Variants in CACNA1C observed in about 807,000 individuals in gnomAD.
CACNA1C encodes the protein voltage-dependent L-type calcium channel subunit alpha-1C.
A neutral mutation model predicts 229.0 loss-of-function variants in CACNA1C; 30 were observed. The observed-to-expected ratio is 0.13, with a 90% CI of 0.10 to 0.18. The LOEUF is 0.18. Among genes scored for constraint, CACNA1C ranks in the 10% least tolerant of loss-of-function variants. The pLI is 1.00. For missense variants in CACNA1C, 1,658 were observed against 2,845.0 expected (o/e 0.58, Z 9.49); for synonymous variants, 1,114 against 1,132.5 (o/e 0.98, Z 0.33).
intron 3 of CACNA1C, 95 bp downstream of exon 3, chr12:2,120,525 G>A (rs949232145): frequency 6.2e-6 from 5 of 808,606 alleles, no homozygotes; most frequent in South Asian, 2.8e-5. Context: ...GAAGTGAGAC[G>A]TGTGTTTGGC....
chr12:2,552,094 A>G (rs1032918902), intron 10 of CACNA1C, among the ~76,000 whole-genome samples: 2 of 152,230 alleles, frequency 1.3e-5, no homozygotes, highest in African/African-American at 4.8e-5. Context: ...CCAAGCAAGC[A>G]AAATAGACAA....
In CACNA1C at chr12:2,476,057, G is replaced by A. The variant is rs1048694220; in HGVS notation, c.758-10047G>A. On this transcript the variant is annotated intron_variant, in intron 5 of 46. Coordinates refer to ENST00000399655, the MANE Select transcript of CACNA1C (RefSeq NM_000719.7). Reference sequence around the variant, plus strand: ...TACAGGTCCAGGTAGCTATATCATTGGCAGATGCCGAAGGAGATCTGCTCC... The same window carrying A: ...TACAGGTCCAGGTAGCTATATCATTAGCAGATGCCGAAGGAGATCTGCTCC... Among the ~76,000 whole-genome samples the A allele has an allele frequency of 3.9e-5, 6 of 152,202 alleles. No individual in the cohort carries two copies. The East Asian group carries it at 5.8e-4, about 15-fold the overall frequency.
intron 1 of CACNA1C, among the ~76,000 whole-genome samples, chr12:2,063,599 T>C (rs1293550713): frequency 6.6e-6 from 1 of 152,210 alleles, no homozygotes; most frequent in Non-Finnish European, 1.5e-5. Context: ...GAGCTGGCTG[T>C]CATTTGGAGG....
At chr12:2,645,819 C>G (rs562443667) in intron 30 of CACNA1C, among the ~76,000 whole-genome samples, 1 of 152,316 alleles carries the variant, frequency 6.6e-6, no homozygotes, top group Non-Finnish European at 1.5e-5. Context: ...GTAGAGGCAA[C>G]AGTGTCCTAG....
intron 5 of CACNA1C, among the ~76,000 whole-genome samples, chr12:2,475,920 C>T (rs989389925): frequency 6.6e-6 from 1 of 152,172 alleles, no homozygotes; most frequent in Non-Finnish European, 1.5e-5. Context: ...GTAATAGTTG[C>T]ATGGCTGTTT....
At chr12:2,184,624 C>T (rs2096940335) in intron 3 of CACNA1C, among the ~76,000 whole-genome samples, 1 of 152,182 alleles carries the variant, frequency 6.6e-6, no homozygotes, top group South Asian at 2.1e-4. Context: ...TTAGCCTGTT[C>T]ATTTATCTGT....
chr12:2,679,681 C>A lies in CACNA1C; in HGVS notation c.5329C>A (p.Arg1777Ser). 1 of 1,613,052 alleles carries A rather than the reference C, an allele frequency of 6.2e-7. No homozygotes were observed. Among genetic ancestry groups the A allele is most frequent in the Non-Finnish European group, 8.5e-7 (1 of 1,179,438 alleles). The change falls in exon 42 of 47, where the codon CGC becomes AGC. Residue 1777 changes from arginine (R) to serine (S), a missense_variant. Around this residue, in one of 20 missense-constraint regions of CACNA1C, gnomAD observed 590 missense variants for 700.8 expected, o/e 0.84. Transcript: ENST00000399655. This position sits in a 1 kb window ranked among gnomAD's most constrained non-coding sequence, Gnocchi z 5.5. ...CAACGCCAACAACACCGCCCTGGGT[C>A]GCCTCCCTCGCCCCGCCGGCTACCC... ...INNANNTALG[R>S]LPRPAGYPST... is the part of the protein sequence containing the mutation.
chr12:2,494,213 G>A (rs1379819824), intron 7 of CACNA1C, among the ~76,000 whole-genome samples: 5 of 152,104 alleles, frequency 3.3e-5, no homozygotes, highest in East Asian at 1.9e-4. Context: ...CCTTAAAGTT[G>A]CCCCTTTTAT....
rs1379605162 is a variant in CACNA1C at position 2,605,227 on chromosome 12, A to G, written c.3048+59A>G. 1 of 1,218,208 alleles carries G rather than the reference A, an allele frequency of 8.2e-7. No individual in the cohort carries two copies. The highest frequency in any genetic ancestry group is 1.2e-6 in the Non-Finnish European group (1 of 821,920). 75.5% of individuals were successfully genotyped at this position (1,218,208 alleles called of 1,614,324 possible). The stretch of plus-strand genomic sequence containing the variant: ...CAGCCCATTGGGGAGTGGGAGCTCC[A>G]CAGAGGTGAGGGGTGGGTTGGAAGG... On this transcript the variant is annotated intron_variant, in intron 23 of 46. Coordinates refer to ENST00000399655, the MANE Select transcript of CACNA1C (RefSeq NM_000719.7). The surrounding 1 kb of genome is among the most constrained non-coding windows in gnomAD (Gnocchi z 6.2).
chr12:2,333,135 G>A (rs1019053185), intron 3 of CACNA1C, among the ~76,000 whole-genome samples: 1 of 152,208 alleles, frequency 6.6e-6, no homozygotes, highest in Non-Finnish European at 1.5e-5. Flanking sequence ...TGGTGACAAC[G>A]TGGAGTGTGG....
In CACNA1C at chr12:2,467,624, C is replaced by T. The variant is rs1208573676; in HGVS notation, c.757+9918C>T. 6.6e-6 allele frequency among the ~76,000 whole-genome samples: 1 copy of T among 152,170 alleles called. No individual in the cohort carries two copies. The highest frequency in any genetic ancestry group is 1.5e-5 in the Non-Finnish European group (1 of 68,014). The stretch of plus-strand genomic sequence containing the variant: ...GGGGGGCCCTTCACACTGCAGGAGG[C>T]TTGCCTCTAAGAAACAGAATTTAGA... On this transcript the variant is annotated intron_variant, in intron 5 of 46. Coordinates refer to ENST00000399655, the MANE Select transcript of CACNA1C (RefSeq NM_000719.7). The surrounding 1 kb of genome is among the most constrained non-coding windows in gnomAD (Gnocchi z 4.6).
At chr12:2,379,853 A>T (rs921749148) in intron 3 of CACNA1C, among the ~76,000 whole-genome samples, 2 of 150,952 alleles carry the variant, frequency 1.3e-5, no homozygotes, top group Non-Finnish European at 3.0e-5. Flanking sequence ...AAAACGGTGA[A>T]ACCCCGTCTC....
At chr12:2,517,517 G>C (rs1368450781) in intron 9 of CACNA1C, among the ~76,000 whole-genome samples, 2 of 152,224 alleles carry the variant, frequency 1.3e-5, no homozygotes, top group African/African-American at 2.4e-5. Context: ...GCAAAAAAGG[G>C]GCAAGAAAGG....
chr12:2,475,421 C>T (rs2099621487), intron 5 of CACNA1C, among the ~76,000 whole-genome samples: 1 of 152,092 alleles, frequency 6.6e-6, no homozygotes, highest in African/African-American at 2.4e-5. Flanking sequence ...GAAATAGACC[C>T]ACAGGGAATT....
intron 3 of CACNA1C, chr12:2,223,463 A>T (rs2062008493): frequency 6.6e-6 from 1 of 152,184 alleles, no homozygotes; most frequent in African/African-American, 2.4e-5. Flanking sequence ...GAGGACCCTA[A>T]CCTGGCCATT....
chr12:2,254,733 T>A (rs972632716), intron 3 of CACNA1C, among the ~76,000 whole-genome samples: 3 of 152,174 alleles, frequency 2.0e-5, no homozygotes, highest in African/African-American at 7.2e-5. Flanking sequence ...TGGGGTTGGT[T>A]GACTTGCAGA....
At chr12:1,994,077 C>G (rs1443592661) in intron 1 of CACNA1C, among the ~76,000 whole-genome samples, 1 of 152,222 alleles carries the variant, frequency 6.6e-6, no homozygotes, top group Non-Finnish European at 1.5e-5. Context: ...TCATTTCACT[C>G]AATAAACCTT....
In CACNA1C at chr12:2,509,657, A is replaced by G. The variant is rs542153794; in HGVS notation, c.1218-3155A>G. On this transcript the variant is annotated intron_variant, in intron 8 of 46. Transcript: ENST00000399655. ...TCATAGCCCTCCTACGCATAGTGAC[A>G]CAGGACGGCACTTCAGCATTATGCT... Among the ~76,000 whole-genome samples, 16 of 152,316 alleles carry G rather than the reference A, an allele frequency of 1.1e-4. 1 individual carries two copies. In the South Asian group the frequency reaches 3.1e-3, roughly 30 times the overall value.
At chr12:2,280,223 C>T (rs983088389) in intron 3 of CACNA1C, among the ~76,000 whole-genome samples, 3 of 121,412 alleles carry the variant, frequency 2.5e-5, no homozygotes, top group Non-Finnish European at 3.3e-5. Flanking sequence ...TGCTGTGCTT[C>T]GGTTTAACCT....
Sources: allele counts gnomAD v4.1 joint callset (sites outside exome capture counted in the v4.1 genomes callset), GRCh38; gene constraint gnomAD v4.1.1; regional missense constraint gnomAD v4.1.1; non-coding constraint Gnocchi (gnomAD v3.1); transcripts MANE v1.5; gene names NCBI Gene and HGNC (gene_info 2026-07-23, HGNC 2026-07-21).